XKR9: variants seen among roughly 807,000 people sequenced by gnomAD.
XKR9 encodes XK related 9.
In XKR9, 32 loss-of-function variants were observed where a neutral mutation model predicts 32.0. That is an observed-to-expected ratio of 1.00 (90% CI 0.76 to 1.34). XKR9 has a LOEUF of 1.34. Ranked by LOEUF, XKR9 falls within the 40% of genes most tolerant of loss-of-function variation. The pLI is 0.00. For synonymous variants in XKR9, 168 were observed against 143.4 expected (o/e 1.17, Z -1.22); for missense variants, 546 against 429.7 (o/e 1.27, Z -2.39).
chr8:70,870,333 G>A, the XKR9 span, among the ~76,000 whole-genome samples: 1 of 152,142 alleles, frequency 6.6e-6, no homozygotes, highest in African/African-American at 2.4e-5. Flanking sequence ...GAATTTCATG[G>A]CATCAATATT....
At chr8:71,026,219 A>G in the XKR9 span, among the ~76,000 whole-genome samples, 4 of 152,322 alleles carry the variant, frequency 2.6e-5, no homozygotes, top group South Asian at 4.1e-4. Context: ...TCTTGTCTCC[A>G]AACTATCCTC....
At chr8:70,872,149 T>C in the XKR9 span, among the ~76,000 whole-genome samples, 23 of 152,224 alleles carry the variant, frequency 1.5e-4, no homozygotes, top group Non-Finnish European at 2.9e-4. Flanking sequence ...TTTCCATAAT[T>C]TCTTGAAGGA....
chr8:71,014,154 C>T, the XKR9 span, among the ~76,000 whole-genome samples: 3 of 152,242 alleles, frequency 2.0e-5, no homozygotes, highest in South Asian at 4.1e-4. Flanking sequence ...ATCCTTTTAC[C>T]TTGGGGCTTA....
intron 1 of XKR9, among the ~76,000 whole-genome samples, chr8:70,673,290 C>T (rs969764728): frequency 3.3e-5 from 5 of 152,178 alleles, no homozygotes; most frequent in Non-Finnish European, 1.5e-5. Flanking sequence ...CTTTCACTTG[C>T]ACTTTCCTTC....
At chr8:70,782,667 A>G (rs181760731) in intron 2 of XKR9, among the ~76,000 whole-genome samples, 6 of 152,118 alleles carry the variant, frequency 3.9e-5, no homozygotes, top group African/African-American at 1.4e-4. Flanking sequence ...AAATGAGTAC[A>G]TGCAGGATTT....
At chr8:70,857,492 A>G in the XKR9 span, among the ~76,000 whole-genome samples, 2 of 152,156 alleles carry the variant, frequency 1.3e-5, no homozygotes, top group Non-Finnish European at 2.9e-5. Context: ...CAACCAAAAA[A>G]AGTCCAAGAC....
intron 3 of XKR9, among the ~76,000 whole-genome samples, chr8:70,706,285 T>C (rs1256884094): frequency 6.6e-6 from 1 of 152,144 alleles, no homozygotes; most frequent in Non-Finnish European, 1.5e-5. Flanking sequence ...TAAAATTCTT[T>C]CAGAAGAAGA....
the XKR9 span, among the ~76,000 whole-genome samples, chr8:70,887,353 G>C: frequency 6.6e-6 from 1 of 152,124 alleles, no homozygotes; most frequent in Non-Finnish European, 1.5e-5. Context: ...AAGTCAGGCA[G>C]TGTGATGCCT....
At chr8:70,699,336 A>T (rs1805422115) in intron 3 of XKR9, among the ~76,000 whole-genome samples, 1 of 151,966 alleles carries the variant, frequency 6.6e-6, no homozygotes, top group African/African-American at 2.4e-5. Flanking sequence ...GTTCCTTTCC[A>T]TGTTTAGTGC....
At chr8:70,916,517 C>T in the XKR9 span, among the ~76,000 whole-genome samples, 1 of 152,144 alleles carries the variant, frequency 6.6e-6, no homozygotes, top group African/African-American at 2.4e-5. Context: ...GTGTTCTAGA[C>T]TTTTAAAAAA....
chr8:70,747,448 C>G (rs1050456474), intron 2 of XKR9, among the ~76,000 whole-genome samples: 1 of 152,126 alleles, frequency 6.6e-6, no homozygotes, highest in Non-Finnish European at 1.5e-5. Flanking sequence ...GGGAGTGGTA[C>G]TGGTGGCTTT....
intron 2 of XKR9, among the ~76,000 whole-genome samples, chr8:70,781,668 G>A (rs1465866309): frequency 2.0e-5 from 3 of 151,672 alleles, no homozygotes; most frequent in Admixed American, 6.6e-5. Context: ...TGGTTTTGAT[G>A]TGCATTTCCC....
chr8:70,916,262 A>G, the XKR9 span, among the ~76,000 whole-genome samples: 4 of 152,208 alleles, frequency 2.6e-5, no homozygotes, highest in Non-Finnish European at 2.9e-5. Context: ...TATGCTCTGC[A>G]TGTTAAAATT....
chr8:70,864,885 A>G, the XKR9 span, among the ~76,000 whole-genome samples: 2 of 152,114 alleles, frequency 1.3e-5, no homozygotes, highest in Non-Finnish European at 2.9e-5. Flanking sequence ...CCCCAGCACC[A>G]TGTTTTATCA....
At chr8:70,688,847 G>A (rs184179536) in intron 3 of XKR9, among the ~76,000 whole-genome samples, 1 of 152,090 alleles carries the variant, frequency 6.6e-6, no homozygotes, top group Non-Finnish European at 1.5e-5. Flanking sequence ...CTTCTAGGTA[G>A]ATACCAGATA....
chr8:70,816,806 G>T, the XKR9 span, among the ~76,000 whole-genome samples: 1 of 152,222 alleles, frequency 6.6e-6, no homozygotes, highest in East Asian at 1.9e-4. Context: ...TGGGATGCAA[G>T]GTTGGTTCAA....
At chr8:71,040,294 A>G in the XKR9 span, among the ~76,000 whole-genome samples, 2 of 152,176 alleles carry the variant, frequency 1.3e-5, no homozygotes, top group Admixed American at 6.5e-5. Flanking sequence ...CTGAAGGTAC[A>G]GATTATTCAC....
At chr8:70,824,661 T>G in the XKR9 span, among the ~76,000 whole-genome samples, 1 of 152,038 alleles carries the variant, frequency 6.6e-6, no homozygotes, top group African/African-American at 2.4e-5. Flanking sequence ...GAAGTTACAT[T>G]TTTTCTCTTT....
At chr8:71,053,252 T>C in the XKR9 span, among the ~76,000 whole-genome samples, 1 of 152,232 alleles carries the variant, frequency 6.6e-6, no homozygotes. Flanking sequence ...CACACAGGCA[T>C]GCCCTCAGAC....
Sources: allele counts gnomAD v4.1 joint callset (sites outside exome capture counted in the v4.1 genomes callset), GRCh38; gene constraint gnomAD v4.1.1; transcripts MANE v1.5; gene names NCBI Gene and HGNC (gene_info 2026-07-23, HGNC 2026-07-21).